Variants in LSAMP observed in about 807,000 individuals in gnomAD.
The protein encoded by LSAMP is limbic system associated membrane protein.
A neutral mutation model predicts 38.6 loss-of-function variants in LSAMP; 7 were observed. The ratio of observed to expected loss-of-function variants is 0.18; its 90% CI spans 0.10 to 0.34. LSAMP has a LOEUF of 0.34. Ranked by LOEUF, LSAMP falls within the 10% of genes least tolerant of loss-of-function variation. The pLI is 1.00. For missense variants in LSAMP, 313 were observed against 420.0 expected (o/e 0.75, Z 2.23); for synonymous variants, 154 against 166.8 (o/e 0.92, Z 0.59).
rs539879478 is a variant in LSAMP, at chr3:115,946,038, A to G, written c.514+73477T>C. Among the ~76,000 whole-genome samples, 8 of 152,308 alleles carry G rather than the reference A, an allele frequency of 5.3e-5. 1 individual carries two copies. Among genetic ancestry groups the G allele is most frequent in the African/African-American group, 1.9e-4 (8 of 41,586 alleles). ...TACATATTTAACACATTTTGATTGAACAAAGCATCACAGTCAATATAAAAA... is the reference window on the plus strand; with the variant it reads ...TACATATTTAACACATTTTGATTGAGCAAAGCATCACAGTCAATATAAAAA... On this transcript the variant is annotated intron_variant, in intron 3 of 6. Transcript: ENST00000490035.
At chr3:116,339,408 G>A (rs2107750843) in intron 1 of LSAMP, among the ~76,000 whole-genome samples, 1 of 151,910 alleles carries the variant, frequency 6.6e-6, no homozygotes, top group East Asian at 1.9e-4. Flanking sequence ...AAGAAAGAGG[G>A]TTCTTCAAAA....
chr3:115,871,510 A>G (rs1311195638), intron 3 of LSAMP, among the ~76,000 whole-genome samples: 1 of 152,058 alleles, frequency 6.6e-6, no homozygotes, highest in East Asian at 1.9e-4. Context: ...TGAAAGATAC[A>G]AAGATATGAT....
chr3:116,316,167 T>C (rs912714205), intron 1 of LSAMP, among the ~76,000 whole-genome samples: 1 of 152,198 alleles, frequency 6.6e-6, no homozygotes, highest in African/African-American at 2.4e-5. Context: ...TGACGATAAG[T>C]TGAAATGCTG....
chr3:116,390,872 T>C (rs1250031996), intron 1 of LSAMP, among the ~76,000 whole-genome samples: 1 of 151,974 alleles, frequency 6.6e-6, no homozygotes, highest in East Asian at 1.9e-4. Flanking sequence ...GGTCTGCTCA[T>C]ATCCTTTCCA....
At chr3:116,408,095 G>A (rs1026942593) in intron 1 of LSAMP, among the ~76,000 whole-genome samples, 9 of 151,986 alleles carry the variant, frequency 5.9e-5, no homozygotes, top group Admixed American at 1.3e-4. Context: ...TGAGAAATAT[G>A]TTCTTGGAGG....
At position 116,113,435 on chromosome 3, in the gene LSAMP, T is replaced by C. The variant is rs1394432429; in HGVS notation, c.156-26879A>G. Among the ~76,000 whole-genome samples, 3 of 126,260 alleles carry C rather than the reference T, an allele frequency of 2.4e-5. No homozygotes were observed. In the East Asian group the frequency reaches 6.6e-4, roughly 28 times the overall value. The allele number at this position is 126,260 out of a possible 152,430, so 82.8% of individuals were successfully genotyped here. ...ATATATATATATTTTTTTTTTTTTT[T>C]TTTTTTTTGAGATGGAGTCTCGCTC... On this transcript the variant is annotated intron_variant, in intron 1 of 6. Transcript: ENST00000490035.
At chr3:116,032,462 T>A (rs1011242421) in intron 2 of LSAMP, among the ~76,000 whole-genome samples, 1 of 152,246 alleles carries the variant, frequency 6.6e-6, no homozygotes, top group African/African-American at 2.4e-5. Context: ...CATGACCAGT[T>A]CTTTTGATTA....
At chr3:116,225,437 G>A (rs1367605572) in intron 1 of LSAMP, among the ~76,000 whole-genome samples, 1 of 152,104 alleles carries the variant, frequency 6.6e-6, no homozygotes, top group African/African-American at 2.4e-5. Flanking sequence ...CCTTGACTGT[G>A]GACTTCAGCC....
At chr3:116,436,138 C>T (rs2049347147) in intron 1 of LSAMP, among the ~76,000 whole-genome samples, 1 of 152,116 alleles carries the variant, frequency 6.6e-6, no homozygotes, top group Admixed American at 6.5e-5. Context: ...GCAAATGGTC[C>T]TGGGATAACT....
At chr3:116,336,235 G>C (rs2047918311) in intron 1 of LSAMP, among the ~76,000 whole-genome samples, 1 of 152,004 alleles carries the variant, frequency 6.6e-6, no homozygotes, top group East Asian at 1.9e-4. Flanking sequence ...CAAAGGCACA[G>C]GCAACAAAAG....
chr3:116,054,571 G>A lies in LSAMP; in HGVS notation c.388+31753C>T, dbSNP rs141498897. On this transcript the variant is annotated intron_variant, in intron 2 of 6. Transcript: ENST00000490035. ...TCTCACAGGTGAATCAAAGTAGCCC[G>A]AGAGAAAAGGGCTTCACTCCTCCAC... Among the ~76,000 whole-genome samples the A allele has an allele frequency of 2.3e-3, 348 of 152,130 alleles. 2 individuals are homozygous for A. The highest frequency in any genetic ancestry group is 7.3e-3 in the African/African-American group (304 of 41,510).
chr3:116,407,732 T>C (rs2048915927), intron 1 of LSAMP, among the ~76,000 whole-genome samples: 1 of 151,992 alleles, frequency 6.6e-6, no homozygotes, highest in Admixed American at 6.6e-5. Flanking sequence ...CATGTTAAAA[T>C]TTGCAAGCTG....
At chr3:116,059,590 AG>A (rs1941554866) in intron 2 of LSAMP, among the ~76,000 whole-genome samples, 1 of 152,170 alleles carries the variant, frequency 6.6e-6, no homozygotes, top group African/African-American at 2.4e-5. Flanking sequence ...AAAGGAGCCA[AG>A]GGGCTGAGTC....
chr3:115,878,403 A>C (rs1936238259), intron 3 of LSAMP, among the ~76,000 whole-genome samples: 1 of 151,422 alleles, frequency 6.6e-6, no homozygotes, highest in South Asian at 2.1e-4. Context: ...TCTGCCTCAG[A>C]CATTATTAAC....
intron 1 of LSAMP, among the ~76,000 whole-genome samples, chr3:116,377,027 T>C (rs1478072755): frequency 6.6e-6 from 1 of 152,080 alleles, no homozygotes; most frequent in African/African-American, 2.4e-5. Context: ...GTCTACCAGT[T>C]CAAATACCAT....
chr3:116,375,011 AAG>A (rs1305999071), intron 1 of LSAMP, among the ~76,000 whole-genome samples: 4 of 151,946 alleles, frequency 2.6e-5, no homozygotes, highest in African/African-American at 7.2e-5. Flanking sequence ...AGGCACAAAA[AAG>A]AGTTGATTCC....
chr3:116,334,004 A>T (rs778136451), intron 1 of LSAMP, among the ~76,000 whole-genome samples: 2 of 151,886 alleles, frequency 1.3e-5, no homozygotes, highest in African/African-American at 4.8e-5. Flanking sequence ...TACCTATATA[A>T]GGACTAAGAA....
At chr3:116,122,859 G>A (rs1221017083) in intron 1 of LSAMP, among the ~76,000 whole-genome samples, 2 of 152,104 alleles carry the variant, frequency 1.3e-5, no homozygotes, top group Non-Finnish European at 2.9e-5. Flanking sequence ...GTAAAACACT[G>A]GGTCAAGAGC....
At chr3:115,850,402 C>A (rs1355400059) in intron 4 of LSAMP, among the ~76,000 whole-genome samples, 1 of 152,062 alleles carries the variant, frequency 6.6e-6, no homozygotes. Flanking sequence ...GAAAATGAAA[C>A]CTTAACTCCA....
Sources: gnomAD v4.1 joint callset for allele counts (sites outside exome capture counted in the v4.1 genomes callset) on GRCh38, gnomAD v4.1.1 for gene constraint, MANE v1.5 for transcripts, NCBI Gene and HGNC (gene_info 2026-07-23, HGNC 2026-07-21) for gene names.